UBR2: variants seen among roughly 807,000 people sequenced by gnomAD.
UBR2 encodes the protein ubiquitin protein ligase E3 component n-recognin 2, also known as E3 ubiquitin-protein ligase UBR2.
A neutral mutation model predicts 247.9 loss-of-function variants in UBR2; 92 were observed. The observed-to-expected ratio is 0.37, with a 90% CI of 0.31 to 0.44. The LOEUF is 0.44. UBR2 is among the 20% of genes least tolerant of loss of function. The probability of loss-of-function intolerance (pLI) is 1.00; values close to 1 mark genes in which losing one functional copy is unlikely to be tolerated. For synonymous variants in UBR2, 672 were observed against 693.5 expected, an observed-to-expected ratio of 0.97 and a Z score of 0.49; for missense variants, 1,613 against 2,112.6, an observed-to-expected ratio of 0.76 and a Z score of 4.64.
intron 40 of UBR2, among the ~76,000 whole-genome samples, chr6:42,677,341 T>G (rs1353886701): frequency 1.3e-5 from 2 of 152,232 alleles, no homozygotes; most frequent in Non-Finnish European, 2.9e-5. Context: ...ATTCAGTAGT[T>G]TGCTTAGCTT....
At chr6:42,574,109 C>G in intron 2 of UBR2, 116 bp downstream of exon 2, 8 of 1,033,642 alleles carry the variant, frequency 7.7e-6, no homozygotes, top group Non-Finnish European at 1.1e-5. Flanking sequence ...GCTTAAAAAT[C>G]TGTATTACAA....
chr6:42,638,666 A>G (rs2151955782), intron 15 of UBR2, among the ~76,000 whole-genome samples: 1 of 152,272 alleles, frequency 6.6e-6, no homozygotes, highest in Middle Eastern at 3.4e-3. Flanking sequence ...GTGTTGTGGA[A>G]AAGTATTGGA....
At chr6:42,626,866 A>G (rs1177885449) in intron 11 of UBR2, among the ~76,000 whole-genome samples, 1 of 152,176 alleles carries the variant, frequency 6.6e-6, no homozygotes, top group African/African-American at 2.4e-5. Context: ...TGGCCTCTCC[A>G]ACACCCTGGG....
At chr6:42,573,379 A>C (rs1031747198) in intron 1 of UBR2, among the ~76,000 whole-genome samples, 13 of 152,178 alleles carry the variant, frequency 8.5e-5, no homozygotes, top group African/African-American at 3.1e-4. Flanking sequence ...AATGAGAATA[A>C]CATTTGAGCA....
intron 10 of UBR2, among the ~76,000 whole-genome samples, 194 bp downstream of exon 10, chr6:42,616,284 T>C (rs1217908228): frequency 6.6e-6 from 1 of 152,150 alleles, no homozygotes; most frequent in Non-Finnish European, 1.5e-5. Context: ...TCCTTGTTCA[T>C]CACCTCCTAT....
rs766035913 is a variant in UBR2, at chr6:42,674,158, C to A, written c.4216C>A (p.Pro1406Thr). The change falls in exon 38 of 47, where the codon CCA (proline) becomes ACA (threonine). Residue 1406 changes from proline to threonine, a missense_variant. Transcript: ENST00000372901. ...GCCTAATGACAGCCATGAGGAACTTCCATGCATATTAGATATTGACATGTT... is the reference window on the plus strand; with the variant it reads ...GCCTAATGACAGCCATGAGGAACTTACATGCATATTAGATATTGACATGTT... ...LVPNDSHEEL[P>T]CILDIDMFHL... 3 of 1,613,836 alleles carry A rather than the reference C, an allele frequency of 1.9e-6. No homozygotes were observed. The African/African-American group carries it at 4.0e-5, about 22-fold the overall frequency.
intron 6 of UBR2, 32 bp from the exon 7 acceptor site, chr6:42,606,557 C>T: frequency 6.3e-7 from 1 of 1,586,068 alleles, no homozygotes; most frequent in Middle Eastern, 1.7e-4. Flanking sequence ...GAATACAATA[C>T]TTTTACAGCT....
At chr6:42,629,789 G>A (rs981205375) in intron 11 of UBR2, among the ~76,000 whole-genome samples, 1 of 152,102 alleles carries the variant, frequency 6.6e-6, no homozygotes, top group Non-Finnish European at 1.5e-5. Flanking sequence ...CTTAGCATAA[G>A]GTGATAAAGC....
intron 8 of UBR2, among the ~76,000 whole-genome samples, chr6:42,614,328 G>GTGTGTA (rs1554250280): frequency 2.2e-5 from 3 of 137,170 alleles, no homozygotes; most frequent in African/African-American, 8.4e-5. Flanking sequence ...GTATATATGT[G>GTGTGTA]TATATGTGTA....
intron 2 of UBR2, among the ~76,000 whole-genome samples, chr6:42,580,481 G>C (rs991860322): frequency 6.6e-5 from 10 of 152,180 alleles, no homozygotes; most frequent in African/African-American, 2.4e-4. Context: ...TGGCCCCTCT[G>C]TGAGTTTTGA....
chr6:42,614,977 T>G (rs550301085), intron 8 of UBR2, 94 bp from the exon 9 acceptor site: 1 of 992,054 alleles, frequency 1.0e-6, no homozygotes. Context: ...AGAAAACATT[T>G]AAAACTCTAC....
intron 4 of UBR2, 114 bp from the exon 5 acceptor site, chr6:42,603,474 T>C: frequency 9.8e-7 from 1 of 1,023,082 alleles, no homozygotes; most frequent in Non-Finnish European, 1.3e-6. Context: ...AAGCTGAAGC[T>C]GGAAGACCAG....
Position 42,614,199 on chromosome 6 carries a change from AAAAAAAC to A in UBR2, c.986-871_986-865del, listed in dbSNP as rs1470730044. The stretch of plus-strand genomic sequence containing the variant: ...CTCCAAAAAAAAAAAAAAAAAAAAA[AAAAAAAC>A]TATATATATATACACACACACACAC... On this transcript the variant is annotated intron_variant, in intron 8 of 46. Coordinates refer to ENST00000372901, the MANE Select transcript of UBR2 (RefSeq NM_001363705.2). 5.8e-3 allele frequency among the ~76,000 whole-genome samples: 432 copies of A among 74,132 alleles called. 11 individuals carry two copies. The highest frequency in any genetic ancestry group is 0.017 in the African/African-American group (321 of 19,392). 48.6% of individuals were successfully genotyped at this position (74,132 alleles called of 152,430 possible).
chr6:42,631,442 T>C (rs1795703364), intron 11 of UBR2, among the ~76,000 whole-genome samples: 1 of 152,202 alleles, frequency 6.6e-6, no homozygotes, highest in Non-Finnish European at 1.5e-5. Context: ...GTTGAGCCTC[T>C]TTGTGGAAAC....
In UBR2 at chr6:42,689,770, T is replaced by A; in HGVS notation, c.5126+100T>A. The A allele has an allele frequency of 9.4e-7, 1 of 1,067,812 alleles. No individual in the cohort carries two copies. The highest frequency in any genetic ancestry group is 1.4e-6 in the Non-Finnish European group (1 of 694,782). The allele number at this position is 1,067,812 out of a possible 1,614,324, so 66.1% of individuals were successfully genotyped here. ...AGGGCTGAGGTGGTTCTGGAAGAGGTGGCTGTGTTATCTGTGGAGTCTTCC... is the reference window on the plus strand; with the variant it reads ...AGGGCTGAGGTGGTTCTGGAAGAGGAGGCTGTGTTATCTGTGGAGTCTTCC... On this transcript the variant is annotated intron_variant, in intron 46 of 46. Coordinates refer to ENST00000372901, the MANE Select transcript of UBR2 (RefSeq NM_001363705.2). The surrounding 1 kb of genome is among the most constrained non-coding windows in gnomAD (Gnocchi z 4.0).
chr6:42,681,185 A>C (rs1382526465), intron 42 of UBR2, among the ~76,000 whole-genome samples: 1 of 151,182 alleles, frequency 6.6e-6, no homozygotes, highest in African/African-American at 2.4e-5. Context: ...AAAAAAAAGA[A>C]AGACCAGCCT....
At position 42,674,759 on chromosome 6, in the gene UBR2, C is replaced by CA. The variant is rs571959083; in HGVS notation, c.4251+579dup. ...CTGGATGACAGAGCAAGACCCCATC[C>CA]AAAAAAAAAAAAACAGCAACAGAAG... On this transcript the variant is annotated intron_variant, in intron 38 of 46. Transcript: ENST00000372901. Among the ~76,000 whole-genome samples the CA allele has an allele frequency of 5.7e-3, 742 of 129,076 alleles. 2 individuals are homozygous for CA. The highest frequency in any genetic ancestry group is 8.7e-3 in the Admixed American group (112 of 12,864). 84.7% of individuals were successfully genotyped at this position (129,076 alleles called of 152,430 possible).
chr6:42,678,762 A>G lies in UBR2; in HGVS notation c.4609+93A>G, dbSNP rs1798868857. The stretch of plus-strand genomic sequence containing the variant: ...CACTTGCAAAAATGAAAATTGACTA[A>G]AAGTTCAAAGAATAGCTTATTGACT... On this transcript the variant is annotated intron_variant, in intron 41 of 46. Transcript: ENST00000372901. 2.8e-6 allele frequency: 4 copies of G among 1,417,436 alleles called. No individual in the cohort carries two copies. In the East Asian group the frequency reaches 7.0e-5, roughly 25 times the overall value. The allele number at this position is 1,417,436 out of a possible 1,614,324, so 87.8% of individuals were successfully genotyped here. A position where few individuals can be genotyped will look rare whatever the true frequency, so the allele number is the denominator to read the frequency against.
In UBR2 at chr6:42,607,610, G is replaced by C. The variant is rs186879430; in HGVS notation, c.864+959G>C. The stretch of plus-strand genomic sequence containing the variant: ...ACTCACTGCAACCTCTGCCTCCTGG[G>C]TTCAAGCAGTTCTTGTGCCTCAGCC... On this transcript the variant is annotated intron_variant, in intron 7 of 46. Coordinates refer to ENST00000372901, the MANE Select transcript of UBR2 (RefSeq NM_001363705.2). 6.1e-4 allele frequency among the ~76,000 whole-genome samples: 93 copies of C among 151,720 alleles called. 1 individual carries two copies. Among genetic ancestry groups the C allele is most frequent in the African/African-American group, 2.2e-3 (91 of 41,382 alleles).
Sources: allele counts gnomAD v4.1 joint callset (sites outside exome capture counted in the v4.1 genomes callset), GRCh38; gene constraint gnomAD v4.1.1; non-coding constraint Gnocchi (gnomAD v3.1); transcripts MANE v1.5; gene names NCBI Gene and HGNC (gene_info 2026-07-23, HGNC 2026-07-21).